Variants in PARD3 observed in about 807,000 individuals in gnomAD.
The protein encoded by PARD3 is par-3 family cell polarity regulator.
A neutral mutation model predicts 155.4 loss-of-function variants in PARD3; 75 were observed. The ratio of observed to expected loss-of-function variants is 0.48; its 90% CI spans 0.40 to 0.58. The LOEUF (loss-of-function observed/expected upper bound fraction) is 0.58, where lower values mean the gene tolerates loss of function less well. Among genes scored for constraint, PARD3 ranks in the 20% least tolerant of loss-of-function variants. PARD3 has a pLI of 0.00. For missense variants in PARD3, 1,642 were observed against 1,721.7 expected (o/e 0.95, Z 0.82); for synonymous variants, 576 against 610.5 (o/e 0.94, Z 0.83).
At chr10:34,463,275 AGGAAGG>A (rs1242758456) in intron 4 of PARD3, among the ~76,000 whole-genome samples, 16 of 108,610 alleles carry the variant, frequency 1.5e-4, no homozygotes, top group Middle Eastern at 5.1e-3. Flanking sequence ...AAGGGGGAAG[AGGAAGG>A]GGAACAGAAC....
intron 22 of PARD3, among the ~76,000 whole-genome samples, chr10:34,242,620 C>T (rs1463750609): frequency 6.6e-6 from 1 of 152,280 alleles, no homozygotes; most frequent in East Asian, 1.9e-4. Flanking sequence ...GTATGAACTA[C>T]CTCTCCATGA....
chr10:34,440,448 C>G (rs1165944836), intron 5 of PARD3, among the ~76,000 whole-genome samples: 1 of 152,178 alleles, frequency 6.6e-6, no homozygotes, highest in East Asian at 1.9e-4. Context: ...ATCTTTAAGA[C>G]TGCCTGCAAT....
intron 2 of PARD3, among the ~76,000 whole-genome samples, chr10:34,521,339 T>G (rs2133690655): frequency 7.8e-6 from 1 of 128,320 alleles, no homozygotes; most frequent in Middle Eastern, 5.2e-3. Flanking sequence ...AAATCTACTC[T>G]ATAAGAATGC....
chr10:34,586,489 T>G (rs2088063757), intron 2 of PARD3, among the ~76,000 whole-genome samples: 1 of 152,160 alleles, frequency 6.6e-6, no homozygotes. Flanking sequence ...GTGTCTGTGT[T>G]TTTATACAGA....
intron 23 of PARD3, among the ~76,000 whole-genome samples, chr10:34,125,801 T>C (rs1470994287): frequency 6.6e-6 from 1 of 152,212 alleles, no homozygotes; most frequent in Non-Finnish European, 1.5e-5. Context: ...CTAAACTACT[T>C]TCAGTCACTC....
intron 2 of PARD3, among the ~76,000 whole-genome samples, chr10:34,546,300 A>T (rs553956141): frequency 6.6e-6 from 1 of 152,026 alleles, no homozygotes; most frequent in East Asian, 1.9e-4. Flanking sequence ...GGTGAATCAC[A>T]ATGTCAGGGG....
At chr10:34,661,355 A>G (rs2093321170) in intron 2 of PARD3, among the ~76,000 whole-genome samples, 1 of 152,216 alleles carries the variant, frequency 6.6e-6, no homozygotes, top group African/African-American at 2.4e-5. Flanking sequence ...GCTAAAAGAA[A>G]TGTACAAATA....
intron 22 of PARD3, among the ~76,000 whole-genome samples, chr10:34,249,465 A>G (rs1954160335): frequency 6.6e-6 from 1 of 152,236 alleles, no homozygotes; most frequent in African/African-American, 2.4e-5. Flanking sequence ...GCAGCATTTC[A>G]TAATCTGGAA....
intron 2 of PARD3, among the ~76,000 whole-genome samples, chr10:34,595,817 T>G (rs1198926203): frequency 6.6e-6 from 1 of 152,222 alleles, no homozygotes; most frequent in Non-Finnish European, 1.5e-5. Context: ...TCTTTTTTCC[T>G]ATTCTGCCTC....
At chr10:34,391,783 C>T (rs1239471410) in intron 7 of PARD3, among the ~76,000 whole-genome samples, 1 of 152,174 alleles carries the variant, frequency 6.6e-6, no homozygotes, top group African/African-American at 2.4e-5. Flanking sequence ...AAATAGAATG[C>T]AAATAATAAT....
intron 2 of PARD3, among the ~76,000 whole-genome samples, chr10:34,619,669 T>C (rs1482391244): frequency 1.3e-5 from 2 of 152,198 alleles, no homozygotes; most frequent in African/African-American, 2.4e-5. Context: ...ATGGAAACAG[T>C]AGGTGCTCAA....
intron 21 of PARD3, among the ~76,000 whole-genome samples, chr10:34,274,147 A>G (rs1412396128): frequency 6.6e-6 from 1 of 152,228 alleles, no homozygotes; most frequent in Non-Finnish European, 1.5e-5. Flanking sequence ...AATTTTTATC[A>G]GGACTGTTCT....
chr10:34,733,340 A>G (rs1295724977), intron 1 of PARD3, among the ~76,000 whole-genome samples: 1 of 152,238 alleles, frequency 6.6e-6, no homozygotes, highest in Middle Eastern at 3.2e-3. Context: ...TCACTCTTCC[A>G]AAAATGCTTT....
chr10:34,296,001 G>A (rs1956890574), intron 20 of PARD3, among the ~76,000 whole-genome samples: 1 of 152,166 alleles, frequency 6.6e-6, no homozygotes, highest in African/African-American at 2.4e-5. Context: ...ATGTTTAAAT[G>A]CCAGAGGCAG....
chr10:34,371,104 T>C lies in PARD3; in HGVS notation c.1707+1394A>G, dbSNP rs7911660. On this transcript the variant is annotated intron_variant, in intron 12 of 24. Coordinates refer to ENST00000374788, the MANE Select transcript of PARD3 (RefSeq NM_001184785.2). ...TATAACAATGCCATGCTGTTTTAGGTATTGTAGCTTTATATTATATATACT... is the reference window on the plus strand; with the variant it reads ...TATAACAATGCCATGCTGTTTTAGGCATTGTAGCTTTATATTATATATACT... Among the ~76,000 whole-genome samples the C allele has an allele frequency of 9.0e-3, 1,373 of 152,212 alleles. 20 individuals are homozygous for C. The highest frequency in any genetic ancestry group is 0.031 in the African/African-American group (1,305 of 41,546).
At chr10:34,156,297 A>G (rs1030347733) in intron 22 of PARD3, among the ~76,000 whole-genome samples, 1 of 152,048 alleles carries the variant, frequency 6.6e-6, no homozygotes, top group Non-Finnish European at 1.5e-5. Context: ...GGGTCTTGTT[A>G]TATTGTCCAG....
At chr10:34,432,268 T>C (rs1392442526) in intron 5 of PARD3, among the ~76,000 whole-genome samples, 1 of 150,570 alleles carries the variant, frequency 6.6e-6, no homozygotes, top group Non-Finnish European at 1.5e-5. Flanking sequence ...ATTACATAGG[T>C]CTAGTCAAAA....
Position 34,382,700 on chromosome 10 carries a change from C to G in PARD3, c.1239G>C (p.Glu413Asp), listed in dbSNP as rs1841976932. The change falls in exon 9 of 25, where the codon GAG becomes GAC. Residue 413 changes from glutamate (E) to aspartate (D), a missense_variant. Glu to Asp is a conservative substitution (Grantham distance 45). Transcript: ENST00000374788. ...GTAGTCTTGAGTGAGAGTCTATCTG[C>G]TCAGGCGGGTGGTTCAGTCGGGGTG... Reference protein sequence around the residue: ...QRAPRLNHPPEQIDSHSRLPH... With the variant: ...QRAPRLNHPPDQIDSHSRLPH... The G allele has an allele frequency of 6.2e-7, 1 of 1,614,162 alleles. No homozygotes were observed. Among genetic ancestry groups the G allele is most frequent in the South Asian group, 1.1e-5 (1 of 91,078 alleles).
chr10:34,524,774 G>A (rs945865310), intron 2 of PARD3, among the ~76,000 whole-genome samples: 3 of 152,148 alleles, frequency 2.0e-5, no homozygotes, highest in Admixed American at 1.3e-4. Flanking sequence ...TCAGAAATGG[G>A]CTAATCACAT....
Sources: gnomAD v4.1 joint callset for allele counts (sites outside exome capture counted in the v4.1 genomes callset) on GRCh38, gnomAD v4.1.1 for gene constraint, MANE v1.5 for transcripts, NCBI Gene and HGNC (gene_info 2026-07-23, HGNC 2026-07-21) for gene names.